The following HECW2 variants were observed in gnomAD, a reference collection of about 807,000 sequenced individuals.
HECW2 encodes HECT, C2 and WW domain containing E3 ubiquitin protein ligase 2.
HECW2 carries 61 observed loss-of-function variants against 175.2 expected under a neutral mutation model. The observed-to-expected ratio is 0.35, with a 90% CI of 0.28 to 0.43. The LOEUF is 0.43. HECW2 is among the 20% of genes least tolerant of loss of function. The pLI, the probability that HECW2 is intolerant of heterozygous loss-of-function variation, is 1.00. For synonymous variants in HECW2, 671 were observed against 731.0 expected, an observed-to-expected ratio of 0.92 and a Z score of 1.32; for missense variants, 1,524 against 2,000.5, an observed-to-expected ratio of 0.76 and a Z score of 4.54.
chr2:196,482,144 T>A (rs1482111702), intron 1 of HECW2, among the ~76,000 whole-genome samples: 6 of 152,234 alleles, frequency 3.9e-5, no homozygotes, highest in Non-Finnish European at 8.8e-5. Flanking sequence ...GCTTTTAAAT[T>A]GCTATTAATA....
chr2:196,208,305 A>G (rs991040059), intron 28 of HECW2, among the ~76,000 whole-genome samples: 1 of 152,244 alleles, frequency 6.6e-6, no homozygotes, highest in Non-Finnish European at 1.5e-5. Context: ...CAGAGATATG[A>G]AAGTCTGGAT....
At chr2:196,231,595 G>T (rs1419200911) in intron 21 of HECW2, among the ~76,000 whole-genome samples, 3 of 152,316 alleles carry the variant, frequency 2.0e-5, no homozygotes, top group African/African-American at 7.2e-5. Context: ...GGTTTGACTG[G>T]TGAAATCCCA....
At chr2:196,468,714 G>A (rs1697062447) in intron 1 of HECW2, among the ~76,000 whole-genome samples, 1 of 152,112 alleles carries the variant, frequency 6.6e-6, no homozygotes, top group South Asian at 2.1e-4. Flanking sequence ...CATGAATGAA[G>A]GTCTGAGGTG....
At chr2:196,338,368 CTG>C (rs1256837261) in intron 3 of HECW2, among the ~76,000 whole-genome samples, 1 of 152,190 alleles carries the variant, frequency 6.6e-6, no homozygotes, top group Non-Finnish European at 1.5e-5. Context: ...GGTGGGAAAA[CTG>C]GCAATTGGAC....
At chr2:196,267,081 A>C (rs1456290032) in intron 17 of HECW2, among the ~76,000 whole-genome samples, 1 of 152,214 alleles carries the variant, frequency 6.6e-6, no homozygotes, top group African/African-American at 2.4e-5. Flanking sequence ...TTATATAGGA[A>C]GCACTCAAGG....
rs1381772660 is a variant in HECW2, at chr2:196,196,042, T to A, written c.*5235A>T. The A allele has an allele frequency of 6.6e-6, 1 of 151,986 alleles. No homozygotes were observed. Among genetic ancestry groups the A allele is most frequent in the African/African-American group, 2.4e-5 (1 of 41,366 alleles). 9.4% of individuals were successfully genotyped at this position (151,986 alleles called of 1,614,324 possible). A position where few individuals can be genotyped will look rare whatever the true frequency, so the allele number is the denominator to read the frequency against. ...CTAAGATGATCCATCTACCGTTGTT[T>A]TAACTTTCCCTCCACTACACTCCTG... On this transcript the variant is annotated 3_prime_UTR_variant, in exon 29 of 29. Coordinates refer to ENST00000644978, the MANE Select transcript of HECW2 (RefSeq NM_001348768.2).
rs901941407 is a variant in HECW2 at position 196,331,833 on chromosome 2, C to G, written c.496-2183G>C. The stretch of plus-strand genomic sequence containing the variant: ...AAAAACCAGGCATTACCACTAGATA[C>G]AGGGATATTAGGGATAATAAACACA... On this transcript the variant is annotated intron_variant, in intron 4 of 28. Transcript: ENST00000644978. 3.3e-5 allele frequency among the ~76,000 whole-genome samples: 5 copies of G among 152,098 alleles called. No individual in the cohort carries two copies. The East Asian group carries it at 7.7e-4, about 23-fold the overall frequency.
intron 2 of HECW2, among the ~76,000 whole-genome samples, chr2:196,384,582 CA>C (rs937509322): frequency 1.5e-4 from 22 of 149,976 alleles, no homozygotes; most frequent in Admixed American, 1.2e-3. Context: ...ACCCTGTCTC[CA>C]AAAAAAAATT....
chr2:196,274,251 C>A (rs1420558807), intron 15 of HECW2, 128 bp from the exon 16 acceptor site: 4 of 650,426 alleles, frequency 6.1e-6, no homozygotes, highest in African/African-American at 3.6e-5. Context: ...GAACAGATAC[C>A]AGCTGTGGGG....
Position 196,201,051 on chromosome 2 carries a change from T to C in HECW2, c.*226A>G, listed in dbSNP as rs956112228. ...AAGTTTGGCAGTCAAGAACTGTTGA[T>C]TGAAAGACGGTTGGGTTGTTCCCTG... On this transcript the variant is annotated 3_prime_UTR_variant, in exon 29 of 29. Transcript: ENST00000644978. The C allele has an allele frequency of 6.7e-5, 31 of 465,638 alleles. No homozygotes were observed. Among genetic ancestry groups the C allele is most frequent in the Non-Finnish European group, 1.1e-4 (27 of 252,146 alleles). The allele number at this position is 465,638 out of a possible 1,614,324, so 28.8% of individuals were successfully genotyped here. A position where few individuals can be genotyped will look rare whatever the true frequency, so the allele number is the denominator to read the frequency against.
chr2:196,336,593 T>C (rs1398422696), intron 3 of HECW2, among the ~76,000 whole-genome samples: 2 of 152,192 alleles, frequency 1.3e-5, no homozygotes. Context: ...GGATGCCATC[T>C]TCTTTTCCTA....
chr2:196,505,357 G>A (rs573571935), intron 1 of HECW2, among the ~76,000 whole-genome samples: 1 of 152,188 alleles, frequency 6.6e-6, no homozygotes, highest in African/African-American at 2.4e-5. Context: ...TGGCCAACAT[G>A]GTGAAAACCC....
At chr2:196,472,149 G>A (rs1277053111) in intron 1 of HECW2, among the ~76,000 whole-genome samples, 1 of 152,076 alleles carries the variant, frequency 6.6e-6, no homozygotes, top group African/African-American at 2.4e-5. Flanking sequence ...GTAGTCAAAT[G>A]TATGCTATAT....
chr2:196,439,008 T>C (rs1259020581), intron 1 of HECW2, among the ~76,000 whole-genome samples: 1 of 152,188 alleles, frequency 6.6e-6, no homozygotes, highest in Non-Finnish European at 1.5e-5. Context: ...AAACTTTTCC[T>C]AAGTGATATT....
At chr2:196,531,075 C>T (rs1254238015) in intron 1 of HECW2, among the ~76,000 whole-genome samples, 2 of 152,186 alleles carry the variant, frequency 1.3e-5, no homozygotes, top group African/African-American at 4.8e-5. Flanking sequence ...TAATAGCAGA[C>T]TTCTCTCTGA....
rs1016536423 is a variant in HECW2 at position 196,198,943 on chromosome 2, G to A, written c.*2334C>T. ...TAAGAATGTCTACATACATTAAAGT[G>A]TACTGTTATTTGGGAAAAAGTTGGA... On this transcript the variant is annotated 3_prime_UTR_variant, in exon 29 of 29. Coordinates refer to ENST00000644978, the MANE Select transcript of HECW2 (RefSeq NM_001348768.2). 6.6e-6 allele frequency: 1 copy of A among 152,126 alleles called. No homozygotes were observed. The highest frequency in any genetic ancestry group is 2.4e-5 in the African/African-American group (1 of 41,436). The allele number at this position is 152,126 out of a possible 1,614,324, so 9.4% of individuals were successfully genotyped here.
intron 2 of HECW2, among the ~76,000 whole-genome samples, chr2:196,359,085 G>A (rs919028963): frequency 6.6e-6 from 1 of 152,170 alleles, no homozygotes; most frequent in African/African-American, 2.4e-5. Flanking sequence ...CACTATGTGT[G>A]TAAAGAGTTA....
chr2:196,547,563 A>T (rs1299773394), intron 1 of HECW2, among the ~76,000 whole-genome samples: 1 of 152,186 alleles, frequency 6.6e-6, no homozygotes, highest in East Asian at 1.9e-4. Flanking sequence ...AGGAGACTAC[A>T]GTTTTCACCT....
intron 4 of HECW2, among the ~76,000 whole-genome samples, chr2:196,332,163 T>C (rs942019707): frequency 6.6e-6 from 1 of 152,146 alleles, no homozygotes; most frequent in Non-Finnish European, 1.5e-5. Flanking sequence ...ATGATTAGCA[T>C]GACAGCTCAT....
Sources: allele counts gnomAD v4.1 joint callset (sites outside exome capture counted in the v4.1 genomes callset), GRCh38; gene constraint gnomAD v4.1.1; transcripts MANE v1.5; gene names NCBI Gene and HGNC (gene_info 2026-07-23, HGNC 2026-07-21).